The following PREP variants were observed in gnomAD, a reference collection of about 807,000 sequenced individuals.
The protein encoded by PREP is dJ355L5.1 (prolyl endopeptidase).
Under a neutral mutation model 87.6 loss-of-function variants are expected in PREP, and 29 were observed. That is an observed-to-expected ratio of 0.33 (90% confidence interval 0.25 to 0.45). The LOEUF (loss-of-function observed/expected upper bound fraction) is 0.45, where lower values mean the gene tolerates loss of function less well. Among genes scored for constraint, PREP ranks in the 20% least tolerant of loss-of-function variants. The pLI is 1.00. For missense variants in PREP, 695 were observed against 886.5 expected (o/e 0.78, Z 2.74); for synonymous variants, 337 against 328.6 (o/e 1.03, Z -0.28).
chr6:105,306,196 G>A (rs890550394), intron 10 of PREP, among the ~76,000 whole-genome samples: 1 of 152,104 alleles, frequency 6.6e-6, no homozygotes, highest in African/African-American at 2.4e-5. Flanking sequence ...AGCTGAAGAT[G>A]ACTAACTGAA....
At chr6:105,396,313 T>A (rs1262071125) in intron 2 of PREP, among the ~76,000 whole-genome samples, 1 of 152,162 alleles carries the variant, frequency 6.6e-6, no homozygotes, top group East Asian at 1.9e-4. Context: ...AAAGAAGTTG[T>A]AAGAGCTTTG....
intron 12 of PREP, among the ~76,000 whole-genome samples, chr6:105,283,987 G>C (rs537989592): frequency 1.8e-4 from 28 of 152,258 alleles, no homozygotes; most frequent in Admixed American, 4.6e-4. Flanking sequence ...CATGAGTAGG[G>C]GGTATGGTGC....
chr6:105,365,282 G>T (rs1380249188), intron 6 of PREP, among the ~76,000 whole-genome samples: 1 of 152,166 alleles, frequency 6.6e-6, no homozygotes. Flanking sequence ...CTAAATAAAG[G>T]CTGTTAAGAA....
chr6:105,324,396 T>C (rs540636140), intron 9 of PREP, among the ~76,000 whole-genome samples: 1 of 152,364 alleles, frequency 6.6e-6, no homozygotes, highest in South Asian at 2.1e-4. Flanking sequence ...ATGATTAATA[T>C]ACATACTAAG....
At chr6:105,334,023 T>A (rs903480558) in intron 7 of PREP, among the ~76,000 whole-genome samples, 1 of 152,166 alleles carries the variant, frequency 6.6e-6, no homozygotes, top group African/African-American at 2.4e-5. Context: ...GACAGCCCTA[T>A]AACAAATTAG....
Position 105,349,553 on chromosome 6 carries a change from C to T in PREP, c.823+3419G>A, listed in dbSNP as rs185654999. ...TCTTGGGAGACACAGATGATGGCAA[C>T]GTGACATGAGCCACCCAAGTGAAAT... On this transcript the variant is annotated intron_variant, in intron 7 of 14. Transcript: ENST00000652536. Among the ~76,000 whole-genome samples, 81 of 152,152 alleles carry T rather than the reference C, an allele frequency of 5.3e-4. 1 individual carries two copies. Among genetic ancestry groups the T allele is most frequent in the Middle Eastern group, 3.4e-3 (1 of 292 alleles).
chr6:105,282,317 A>G (rs1770100878), intron 13 of PREP, 134 bp downstream of exon 13: 4 of 1,084,690 alleles, frequency 3.7e-6, no homozygotes, highest in Non-Finnish European at 5.3e-6. Context: ...AAATGGTACA[A>G]ATGGGTTTTG....
intron 10 of PREP, 107 bp from the exon 11 acceptor site, chr6:105,289,001 C>T: frequency 8.9e-7 from 1 of 1,125,258 alleles, no homozygotes; most frequent in South Asian, 1.5e-5. Context: ...TACAGTAGCA[C>T]AGTGAAAACC....
At chr6:105,402,044 C>T (rs546940980) in intron 1 of PREP, among the ~76,000 whole-genome samples, 4 of 152,274 alleles carry the variant, frequency 2.6e-5, no homozygotes, top group South Asian at 2.1e-4. Flanking sequence ...CCCAGAATTC[C>T]GCCTACTGGA....
intron 6 of PREP, among the ~76,000 whole-genome samples, chr6:105,367,501 G>A (rs560718628): frequency 2.0e-4 from 30 of 152,018 alleles, no homozygotes; most frequent in African/African-American, 6.3e-4. Context: ...GTGAAACCCC[G>A]TCTCTACTAA....
intron 2 of PREP, among the ~76,000 whole-genome samples, chr6:105,378,123 A>G (rs1437412783): frequency 2.0e-5 from 3 of 152,314 alleles, no homozygotes; most frequent in Admixed American, 6.5e-5. Flanking sequence ...TGTTAATTTC[A>G]ATCAGAGAAC....
rs1260946210 is a variant in PREP at position 105,282,007 on chromosome 6, A to G, written c.1682-105T>C. On this transcript the variant is annotated intron_variant, in intron 13 of 14. Transcript: ENST00000652536. ...TACATGCTTCCAGAGCCCTGGTTGC[A>G]TTTATCCAGAGCACAAGAGGAAACC... The G allele has an allele frequency of 2.2e-6, 3 of 1,357,552 alleles. No individual in the cohort carries two copies. In the African/African-American group the frequency reaches 4.4e-5, roughly 20 times the overall value. The allele number at this position is 1,357,552 out of a possible 1,614,324, so 84.1% of individuals were successfully genotyped here.
At chr6:105,323,097 A>G (rs1276754262) in intron 10 of PREP, 1 of 1,304,236 alleles carries the variant, frequency 7.7e-7, no homozygotes, top group Admixed American at 2.3e-5. Flanking sequence ...TGGAAGACTC[A>G]GTACCCTTGG....
chr6:105,358,557 T>C (rs1772160764), intron 6 of PREP, among the ~76,000 whole-genome samples: 1 of 152,174 alleles, frequency 6.6e-6, no homozygotes. Flanking sequence ...CCTTTCATTT[T>C]CTATAAGCAG....
chr6:105,278,054 G>A lies in PREP; in HGVS notation c.*90C>T, dbSNP rs1769984284. On this transcript the variant is annotated 3_prime_UTR_variant, in exon 15 of 15. Transcript: ENST00000652536. This position sits in a 1 kb window ranked among gnomAD's most constrained non-coding sequence, Gnocchi z 4.2. ...TGAGTGCAGGAATAATGTTCCCGTG[G>A]GGAAGCATTATGCCCAGTGGTTTCT... 2 of 1,445,906 alleles carry A rather than the reference G, an allele frequency of 1.4e-6. No individual in the cohort carries two copies. The highest frequency in any genetic ancestry group is 2.3e-5 in the East Asian group (1 of 43,676). The allele number at this position is 1,445,906 out of a possible 1,614,324, so 89.6% of individuals were successfully genotyped here. A position where few individuals can be genotyped will look rare whatever the true frequency, so the allele number is the denominator to read the frequency against.
rs909860463 is a variant in PREP, at chr6:105,303,517, G to GA, written c.1318-14624dup. On this transcript the variant is annotated intron_variant, in intron 10 of 14. Transcript: ENST00000652536. ...TGCCTTTCTAAACCAAATCATGACT[G>GA]AAAAAAAAAAAATCTATTGGCTCTT... is the stretch of plus-strand genomic sequence containing the variant. Among the ~76,000 whole-genome samples, 447 of 144,470 alleles carry GA rather than the reference G, an allele frequency of 3.1e-3. 1 individual carries two copies. Among genetic ancestry groups the GA allele is most frequent in the African/African-American group, 4.8e-3 (190 of 39,526 alleles). 94.8% of individuals were successfully genotyped at this position (144,470 alleles called of 152,430 possible). A position where few individuals can be genotyped will look rare whatever the true frequency, so the allele number is the denominator to read the frequency against.
In PREP at chr6:105,376,117, G is replaced by A; in HGVS notation, c.385+8C>T. 1 of 1,612,510 alleles carries A rather than the reference G, an allele frequency of 6.2e-7. No homozygotes were observed. The highest frequency in any genetic ancestry group is 8.5e-7 in the Non-Finnish European group (1 of 1,179,304). On this transcript the variant is annotated splice_region_variant and intron_variant, in intron 4 of 14. Coordinates refer to ENST00000652536, the MANE Select transcript of PREP (RefSeq NM_002726.5). ...GGAGTTCCACGGGCCTCTCTGTGTAGCACTTACCTCGGAGTGCCACTGTGC... is the reference window on the plus strand; with the variant it reads ...GGAGTTCCACGGGCCTCTCTGTGTAACACTTACCTCGGAGTGCCACTGTGC...
At chr6:105,379,507 A>G (rs1369011005) in intron 2 of PREP, among the ~76,000 whole-genome samples, 1 of 152,206 alleles carries the variant, frequency 6.6e-6, no homozygotes, top group Admixed American at 6.5e-5. Context: ...CACCATGCCT[A>G]CTTCACAGAT....
At chr6:105,314,364 A>C (rs1197360961) in intron 10 of PREP, among the ~76,000 whole-genome samples, 1 of 152,202 alleles carries the variant, frequency 6.6e-6, no homozygotes, top group Non-Finnish European at 1.5e-5. Context: ...TGTAACATGC[A>C]ATGCTGTTTG....
Sources: allele counts gnomAD v4.1 joint callset (sites outside exome capture counted in the v4.1 genomes callset), GRCh38; gene constraint gnomAD v4.1.1; non-coding constraint Gnocchi (gnomAD v3.1); transcripts MANE v1.5; gene names NCBI Gene and HGNC (gene_info 2026-07-23, HGNC 2026-07-21).